COL19A1: variants seen among roughly 807,000 people sequenced by gnomAD.
COL19A1 encodes the protein collagen alpha-1(XIX) chain.
In COL19A1, 159 loss-of-function variants were observed where a neutral mutation model predicts 190.2. That is an observed-to-expected ratio of 0.84 (90% confidence interval 0.73 to 0.95). The LOEUF (loss-of-function observed/expected upper bound fraction) is 0.95. Ranked by LOEUF, COL19A1 falls within the 40% of genes least tolerant of loss-of-function variation. The pLI, the probability that COL19A1 is intolerant of heterozygous loss-of-function variation, is 0.00. For missense variants in COL19A1, 1,418 were observed against 1,431.9 expected, an observed-to-expected ratio of 0.99 and a Z score of 0.16; for synonymous variants, 509 against 458.9, an observed-to-expected ratio of 1.11 and a Z score of -1.39.
At chr6:70,149,817 A>G (rs767817379) in intron 28 of COL19A1, 34 bp from the exon 29 acceptor site, 3 of 1,613,610 alleles carry the variant, frequency 1.9e-6, no homozygotes, top group Non-Finnish European at 2.5e-6. Context: ...GACCATCCTC[A>G]TAAGTAACTG....
At chr6:70,174,421 G>C (rs545366076) in intron 41 of COL19A1, among the ~76,000 whole-genome samples, 1 of 152,142 alleles carries the variant, frequency 6.6e-6, no homozygotes, top group African/African-American at 2.4e-5. Context: ...TTAGCCAAGC[G>C]TGGTGGCAGG....
intron 4 of COL19A1, among the ~76,000 whole-genome samples, chr6:69,921,781 C>G (rs1025570540): frequency 7.0e-6 from 1 of 143,812 alleles, no homozygotes; most frequent in Non-Finnish European, 1.5e-5. Flanking sequence ...TATGTATATT[C>G]GTATGTAGAT....
At chr6:69,988,985 G>A (rs1776456703) in intron 11 of COL19A1, among the ~76,000 whole-genome samples, 1 of 152,128 alleles carries the variant, frequency 6.6e-6, no homozygotes, top group Admixed American at 6.6e-5. Flanking sequence ...GCACAGGTCT[G>A]AAACCTGTAA....
intron 16 of COL19A1, among the ~76,000 whole-genome samples, chr6:70,109,541 A>AGTGTGTGT (rs60219800): frequency 5.3e-4 from 76 of 143,990 alleles, no homozygotes; most frequent in African/African-American, 1.4e-3. Context: ...CCGTTTTGTA[A>AGTGTGTGT]GTGTGTGTGT....
chr6:70,047,555 A>G lies in COL19A1; in HGVS notation c.1170+11616A>G, dbSNP rs1779978223. Reference sequence around the variant, plus strand: ...TTAGCTTTTCCTCTCGTGTTGAAATATTAGTTGTAAATCATTACATTCAAA... The same window carrying G: ...TTAGCTTTTCCTCTCGTGTTGAAATGTTAGTTGTAAATCATTACATTCAAA... On this transcript the variant is annotated intron_variant, in intron 14 of 50. Transcript: ENST00000620364. Among the ~76,000 whole-genome samples, 4 of 152,260 alleles carry G rather than the reference A, an allele frequency of 2.6e-5. No homozygotes were observed. In the South Asian group the frequency reaches 8.3e-4, roughly 32 times the overall value.
intron 48 of COL19A1, among the ~76,000 whole-genome samples, chr6:70,192,307 G>A (rs2150299092): frequency 6.6e-6 from 1 of 152,202 alleles, no homozygotes; most frequent in South Asian, 2.1e-4. Flanking sequence ...TTATGCTGTT[G>A]ATTTTAATTT....
At chr6:69,919,172 C>G (rs912493187) in intron 4 of COL19A1, among the ~76,000 whole-genome samples, 2 of 152,162 alleles carry the variant, frequency 1.3e-5, no homozygotes, top group Non-Finnish European at 2.9e-5. Context: ...CTCTCTGTGT[C>G]TTCCCTCTTA....
intron 2 of COL19A1, among the ~76,000 whole-genome samples, chr6:69,896,623 G>A (rs76137243): frequency 0.035 from 5,157 of 148,724 alleles, 315 homozygotes; most frequent in African/African-American, 0.12. Context: ...TACAAGCAAT[G>A]TAGAATAGTT....
At chr6:70,175,574 TTC>T (rs1240257429) in intron 41 of COL19A1, among the ~76,000 whole-genome samples, 5 of 152,128 alleles carry the variant, frequency 3.3e-5, no homozygotes, top group Non-Finnish European at 7.4e-5. Context: ...TTTCTGATAT[TTC>T]TGTTATAGTA....
chr6:70,207,364 CTTTTTTTTTTTT>C lies in COL19A1; in HGVS notation c.*102_*113del, dbSNP rs36112821. 157 of 178,070 alleles carry C rather than the reference CTTTTTTTTTTTT, an allele frequency of 8.8e-4. No individual in the cohort carries two copies. Among genetic ancestry groups the C allele is most frequent in the Non-Finnish European group, 1.1e-3 (131 of 117,094 alleles). 11.0% of individuals were successfully genotyped at this position (178,070 alleles called of 1,614,324 possible). On this transcript the variant is annotated 3_prime_UTR_variant, in exon 51 of 51. Transcript: ENST00000620364. ...TCAAACCCTCATCATCTGTGGGTTG[CTTTTTTTTTTTT>C]TTTTTTTTTTTGGGAGTAAGCCAGG...
At chr6:69,951,863 G>C (rs2150035697) in intron 9 of COL19A1, among the ~76,000 whole-genome samples, 1 of 151,960 alleles carries the variant, frequency 6.6e-6, no homozygotes, top group South Asian at 2.1e-4. Flanking sequence ...GAAAATAGTA[G>C]AGTCAGGATT....
Position 69,900,331 on chromosome 6 carries a change from G to A in COL19A1, c.259G>A (p.Asp87Asn). 1 of 1,536,424 alleles carries A rather than the reference G, an allele frequency of 6.5e-7. No homozygotes were observed. Residue 87 changes from aspartate (D) to asparagine (N), a missense_variant, in exon 4 of 51, where the codon GAC (aspartate) becomes AAC (asparagine). Coordinates refer to ENST00000620364, the MANE Select transcript of COL19A1 (RefSeq NM_001858.6). ...FKLGSALLIR[D>N]TIKIFPKGLP... is the part of the protein sequence containing the mutation. ...ATTGGGAAGTGCACTTCTTATTAGA[G>A]ACACTATGTAAGTAAAAAATTATTT...
intron 15 of COL19A1, among the ~76,000 whole-genome samples, chr6:70,095,299 T>G (rs2150180153): frequency 6.6e-6 from 1 of 152,178 alleles, no homozygotes; most frequent in East Asian, 1.9e-4. Flanking sequence ...TTGATTGTTA[T>G]TTTAGATTTT....
intron 14 of COL19A1, among the ~76,000 whole-genome samples, chr6:70,046,855 CCAAATACAGT>C (rs1014679318): frequency 2.6e-5 from 4 of 151,910 alleles, no homozygotes; most frequent in Admixed American, 6.6e-5. Flanking sequence ...ACAAATGAAG[CCAAATACAGT>C]CAAATAATGC....
intron 42 of COL19A1, among the ~76,000 whole-genome samples, chr6:70,179,880 T>TTATA (rs1766056887): frequency 6.6e-6 from 1 of 151,904 alleles, no homozygotes; most frequent in Non-Finnish European, 1.5e-5. Context: ...GCCACTTTAT[T>TTATA]TATTTATTTA....
At chr6:70,043,378 G>C (rs1779733277) in intron 14 of COL19A1, among the ~76,000 whole-genome samples, 1 of 151,966 alleles carries the variant, frequency 6.6e-6, no homozygotes, top group Non-Finnish European at 1.5e-5. Flanking sequence ...ACTTTTAGTA[G>C]AGACAGGGTT....
At chr6:70,076,776 A>G (rs545606694) in intron 15 of COL19A1, among the ~76,000 whole-genome samples, 1 of 152,234 alleles carries the variant, frequency 6.6e-6, no homozygotes, top group Non-Finnish European at 1.5e-5. Context: ...AATATTACCT[A>G]CTTAGCCACA....
At position 69,900,272 on chromosome 6, in the gene COL19A1, G is replaced by A. The variant is rs773102306; in HGVS notation, c.200G>A (p.Arg67His). 1.6e-5 allele frequency: 25 copies of A among 1,595,618 alleles called. No individual in the cohort carries two copies. The highest frequency in any genetic ancestry group is 1.9e-5 in the Non-Finnish European group (22 of 1,170,492). Residue 67 changes from arginine to histidine, a missense_variant, in exon 4 of 51, where the codon CGT (arginine) becomes CAT (histidine). Physicochemically the swap from Arg to His is conservative, Grantham distance 29 (BLOSUM62 0). Coordinates refer to ENST00000620364, the MANE Select transcript of COL19A1 (RefSeq NM_001858.6). ...FDLGDSFSLR[R>H]AFCESDKTCF... ...CTAGGAGACAGCTTTTCTCTAAGACGTGCATTTTGTGAAAGTGATAAAACC... is the reference window on the plus strand; with the variant it reads ...CTAGGAGACAGCTTTTCTCTAAGACATGCATTTTGTGAAAGTGATAAAACC...
At position 70,142,063 on chromosome 6, in the gene COL19A1, G is replaced by C; in HGVS notation, c.1559G>C (p.Ser520Thr). The C allele has an allele frequency of 6.2e-7, 1 of 1,611,968 alleles. No homozygotes were observed. The highest frequency in any genetic ancestry group is 8.5e-7 in the Non-Finnish European group (1 of 1,178,724). ...GDPGPPGLIG[S>T]PGLKGQQGSA... ...CCCGGACCCCCTGGTTTAATAGGAA[G>C]CCCAGGACTAAAGGTATATAAGAAA... Residue 520 changes from serine (S) to threonine (T), a missense_variant, in exon 22 of 51, where the codon AGC becomes ACC. Physicochemically the swap from Ser to Thr is moderately conservative, Grantham distance 58 (BLOSUM62 1). Transcript: ENST00000620364.
Sources: allele counts gnomAD v4.1 joint callset (sites outside exome capture counted in the v4.1 genomes callset), GRCh38; gene constraint gnomAD v4.1.1; transcripts MANE v1.5; gene names NCBI Gene and HGNC (gene_info 2026-07-23, HGNC 2026-07-21).